Variants in NUP88 observed in about 807,000 individuals in gnomAD.
The protein encoded by NUP88 is nuclear pore complex protein Nup88.
Under a neutral mutation model 93.9 loss-of-function variants are expected in NUP88, and 57 were observed. That is an observed-to-expected ratio of 0.61 (90% CI 0.49 to 0.76). The LOEUF (loss-of-function observed/expected upper bound fraction) is 0.76. NUP88 is among the 30% of genes least tolerant of loss of function. NUP88 has a pLI of 0.00. For missense variants in NUP88, 911 were observed against 901.0 expected, an observed-to-expected ratio of 1.01 and a Z score of -0.14; for synonymous variants, 346 against 336.8, an observed-to-expected ratio of 1.03 and a Z score of -0.30.
rs542002489 is a variant in NUP88, at chr17:5,405,586, A to G, written c.858-343T>C. On this transcript the variant is annotated intron_variant, in intron 5 of 16. Transcript: ENST00000573584. ...CAGCACAGCACCTCTAAAACAAACA[A>G]TAATTCAGACCAAAATGTCAATAGT... 1.4e-4 allele frequency among the ~76,000 whole-genome samples: 21 copies of G among 152,324 alleles called. No individual in the cohort carries two copies. In the South Asian group the frequency reaches 1.5e-3, roughly 11 times the overall value.
At chr17:5,391,095 C>T (rs1313878021) in intron 10 of NUP88, among the ~76,000 whole-genome samples, 1 of 152,124 alleles carries the variant, frequency 6.6e-6, no homozygotes. Context: ...TGTATCCCAG[C>T]TCTATTTGTT....
rs3026141 is a variant in NUP88, at chr17:5,410,877, T to C, written c.594-88A>G. On this transcript the variant is annotated intron_variant, in intron 3 of 16. Coordinates refer to ENST00000573584, the MANE Select transcript of NUP88 (RefSeq NM_002532.6). ...CTTTCCTCTCCATCTAGTCAGTTCT[T>C]GAGAATTTTCTAACACTTATCACAA... 9.4e-4 allele frequency: 779 copies of C among 826,082 alleles called. 4 individuals are homozygous for C. The African/African-American group carries it at 0.012, about 12-fold the overall frequency. The allele number at this position is 826,082 out of a possible 1,614,324, so 51.2% of individuals were successfully genotyped here.
In NUP88 at chr17:5,386,175, C is replaced by A; in HGVS notation, c.*31G>T. The A allele has an allele frequency of 6.4e-7, 1 of 1,556,276 alleles. No individual in the cohort carries two copies. Among genetic ancestry groups the A allele is most frequent in the African/African-American group, 1.4e-5 (1 of 73,232 alleles). On this transcript the variant is annotated 3_prime_UTR_variant, in exon 17 of 17. Coordinates refer to ENST00000573584, the MANE Select transcript of NUP88 (RefSeq NM_002532.6). ...ATGGGTTTAAGCCTTCAATGGTGTTCAGTTCAGGTGTGAGTCAGCTCCTGG... is the reference window on the plus strand; with the variant it reads ...ATGGGTTTAAGCCTTCAATGGTGTTAAGTTCAGGTGTGAGTCAGCTCCTGG...
intron 7 of NUP88, among the ~76,000 whole-genome samples, chr17:5,403,871 A>C (rs780097654): frequency 1.3e-5 from 2 of 152,198 alleles, no homozygotes; most frequent in African/African-American, 2.4e-5. Context: ...AAAATTCACT[A>C]TTAGGAATCT....
chr17:5,395,557 C>G (rs545126112), intron 8 of NUP88, among the ~76,000 whole-genome samples: 12 of 149,608 alleles, frequency 8.0e-5, no homozygotes, highest in African/African-American at 2.9e-4. Flanking sequence ...TGGATGGAGT[C>G]TCCCTCTGTT....
At chr17:5,386,510 T>C (rs1211046548) in intron 16 of NUP88, among the ~76,000 whole-genome samples, 198 bp downstream of exon 16, 1 of 150,770 alleles carries the variant, frequency 6.6e-6, no homozygotes, top group East Asian at 2.0e-4. Flanking sequence ...AACAAAATCA[T>C]GTTACTAGAA....
chr17:5,405,810 C>G (rs1180441153), intron 5 of NUP88, among the ~76,000 whole-genome samples: 1 of 152,174 alleles, frequency 6.6e-6, no homozygotes, highest in African/African-American at 2.4e-5. Flanking sequence ...CTCTTCCTAC[C>G]TCTTTAAACA....
At chr17:5,398,087 T>C (rs1219265489) in intron 8 of NUP88, among the ~76,000 whole-genome samples, 1 of 150,830 alleles carries the variant, frequency 6.6e-6, no homozygotes, top group Non-Finnish European at 1.5e-5. Flanking sequence ...TTGTATTTTT[T>C]TTTTTAGTAG....
chr17:5,399,180 C>T (rs1019196420), intron 8 of NUP88, among the ~76,000 whole-genome samples: 3 of 144,618 alleles, frequency 2.1e-5, no homozygotes, highest in East Asian at 2.2e-4. Flanking sequence ...CGTGAGCCAC[C>T]GCACCCGGCC....
At chr17:5,416,401 G>A (rs886931017) in intron 2 of NUP88, 112 bp downstream of exon 2, 4 of 665,516 alleles carry the variant, frequency 6.0e-6, no homozygotes, top group African/African-American at 1.9e-5. Context: ...CAGACCACGA[G>A]GAGTGTTTTA....
At chr17:5,390,233 GAAGT>G (rs1206240708) in intron 10 of NUP88, among the ~76,000 whole-genome samples, 1 of 151,180 alleles carries the variant, frequency 6.6e-6, no homozygotes, top group Non-Finnish European at 1.5e-5. Flanking sequence ...TATTTATTCT[GAAGT>G]AAGCTAGTGT....
At chr17:5,410,319 A>T (rs1913758193) in intron 4 of NUP88, among the ~76,000 whole-genome samples, 1 of 152,218 alleles carries the variant, frequency 6.6e-6, no homozygotes, top group South Asian at 2.1e-4. Context: ...GTAGTTATTC[A>T]GGAAGATTCT....
rs376621509 is a variant in NUP88 at position 5,419,490 on chromosome 17, T to C, written c.161A>G (p.Gln54Arg). 1.6e-5 allele frequency: 26 copies of C among 1,613,842 alleles called. No individual in the cohort carries two copies. The highest frequency in any genetic ancestry group is 2.1e-5 in the Non-Finnish European group (25 of 1,179,954). ...SSSLPSSPPP[Q>R]LLTRNVVFGL... The stretch of plus-strand genomic sequence containing the variant: ...AAAGACCACGTTTCTCGTCAGCAAC[T>C]GCGGCGGCGGCGACGAAGGCAACGA... The change falls in exon 1 of 17, where the codon CAG (glutamine) becomes CGG (arginine). Residue 54 changes from glutamine (Q) to arginine (R), a missense_variant. By Grantham distance (43) the Gln-to-Arg change is conservative. Transcript: ENST00000573584.
At chr17:5,404,943 A>G in intron 6 of NUP88, 114 bp downstream of exon 6, 1 of 952,768 alleles carries the variant, frequency 1.0e-6, no homozygotes, top group Non-Finnish European at 1.5e-6. Flanking sequence ...TTTCCAAAAT[A>G]TCAGAAGTTC....
intron 11 of NUP88, 108 bp from the exon 12 acceptor site, chr17:5,388,012 T>C (rs776242845): frequency 6.3e-5 from 74 of 1,166,976 alleles, no homozygotes; most frequent in South Asian, 2.8e-4. Flanking sequence ...TTTTAATTTA[T>C]TTATTTGAGA....
chr17:5,403,052 C>T (rs1275667891), intron 7 of NUP88, among the ~76,000 whole-genome samples: 3 of 152,110 alleles, frequency 2.0e-5, no homozygotes, highest in Non-Finnish European at 4.4e-5. Flanking sequence ...TTTAAAAATC[C>T]ATTTGGGGCC....
Position 5,410,766 on chromosome 17 carries a change from T to C in NUP88, c.617A>G (p.Gln206Arg). The C allele has an allele frequency of 6.2e-7, 1 of 1,612,402 alleles. No individual in the cohort carries two copies. The highest frequency in any genetic ancestry group is 8.5e-7 in the Non-Finnish European group (1 of 1,178,780). The change falls in exon 4 of 17, where the codon CAG (glutamine) becomes CGG (arginine). Residue 206 changes from glutamine to arginine, a missense_variant. Coordinates refer to ENST00000573584, the MANE Select transcript of NUP88 (RefSeq NM_002532.6). ...AAGTATTATCACGTTAGTGGGTGTCTGCGGCTCACGTAGTGAGTAAATTCT... is the reference window on the plus strand; with the variant it reads ...AAGTATTATCACGTTAGTGGGTGTCCGCGGCTCACGTAGTGAGTAAATTCT... ...VIRIYSLREPQTPTNVIILSE... is the reference protein window; with the variant it reads ...VIRIYSLREPRTPTNVIILSE...
chr17:5,408,462 C>CTT (rs1913625777), intron 5 of NUP88, among the ~76,000 whole-genome samples: 1 of 152,190 alleles, frequency 6.6e-6, no homozygotes, highest in Admixed American at 6.5e-5. Context: ...AAACAATAAG[C>CTT]ACTTGTTCGG....
rs1398677145 is a variant in NUP88, at chr17:5,416,158, A to AGT, written c.467+354_467+355insAC. Among the ~76,000 whole-genome samples, 394 of 93,876 alleles carry AGT rather than the reference A, an allele frequency of 4.2e-3. 5 individuals are homozygous for AGT. The highest frequency in any genetic ancestry group is 0.025 in the Admixed American group (226 of 8,892). The allele number at this position is 93,876 out of a possible 152,430, so 61.6% of individuals were successfully genotyped here. On this transcript the variant is annotated intron_variant, in intron 2 of 16. Coordinates refer to ENST00000573584, the MANE Select transcript of NUP88 (RefSeq NM_002532.6). Reference sequence around the variant, plus strand: ...AGACTCCATCTCAAAAAAAAAAAAAAAAAAAAAAGTATATATATATATACA... The same window carrying AGT: ...AGACTCCATCTCAAAAAAAAAAAAAAGTAAAAAAAAGTATATATATATATACA...
Sources: gnomAD v4.1 joint callset for allele counts (sites outside exome capture counted in the v4.1 genomes callset) on GRCh38, gnomAD v4.1.1 for gene constraint, MANE v1.5 for transcripts, NCBI Gene and HGNC (gene_info 2026-07-23, HGNC 2026-07-21) for gene names.